Variants in STOM observed in about 807,000 individuals in gnomAD.
The protein encoded by STOM is erythrocyte band 7 integral membrane protein.
In STOM, 25 loss-of-function variants were observed where a neutral mutation model predicts 30.6. The observed-to-expected ratio is 0.82, with a 90% CI of 0.60 to 1.14. STOM has a LOEUF of 1.14. STOM is among the 50% of genes most tolerant of loss of function. The pLI, the probability that STOM is intolerant of heterozygous loss-of-function variation, is 0.00. For missense variants in STOM, 292 were observed against 365.2 expected, an observed-to-expected ratio of 0.80 and a Z score of 1.63; for synonymous variants, 118 against 130.8, an observed-to-expected ratio of 0.90 and a Z score of 0.67.
intron 1 of STOM, among the ~76,000 whole-genome samples, chr9:121,358,355 T>C (rs943193238): frequency 2.0e-5 from 3 of 151,818 alleles, no homozygotes; most frequent in African/African-American, 7.3e-5. Context: ...TCCCAGCTAC[T>C]GAGGAGACTG....
rs1589294091 is a variant in STOM at position 121,356,277 on chromosome 9, A to G, written c.62-121T>C. 1.6e-5 allele frequency: 12 copies of G among 733,656 alleles called. No individual in the cohort carries two copies. The East Asian group carries it at 3.3e-4, about 20-fold the overall frequency. 45.4% of individuals were successfully genotyped at this position (733,656 alleles called of 1,614,324 possible). A position where few individuals can be genotyped will look rare whatever the true frequency, so the allele number is the denominator to read the frequency against. On this transcript the variant is annotated intron_variant, in intron 1 of 6. Coordinates refer to ENST00000286713, the MANE Select transcript of STOM (RefSeq NM_004099.6). ...GCACTACACCAGCTGTTTTACATGA[A>G]TTTCCCCATCTAATCCTCATACAGC...
intron 6 of STOM, among the ~76,000 whole-genome samples, chr9:121,345,597 C>T (rs566371146): frequency 1.3e-5 from 2 of 152,256 alleles, no homozygotes; most frequent in Admixed American, 6.5e-5. Context: ...GGGCTAGGCT[C>T]ATTGTGATTC....
At position 121,348,020 on chromosome 9, in the gene STOM, C is replaced by T. The variant is rs1237373752; in HGVS notation, c.655G>A (p.Ala219Thr). The change falls in exon 6 of 7, where the codon GCC (alanine) becomes ACC (threonine). Residue 219 changes from alanine to threonine, a missense_variant. Coordinates refer to ENST00000286713, the MANE Select transcript of STOM (RefSeq NM_004099.6). ...AAGTTTAAAAAAAAAGTTACCTTGG[C>T]GCGGGCCTCGCGGGACGCTTCTGCT... ...AEAEASREAR[A>T]KVIAAEGEMN... 5 of 1,611,836 alleles carry T rather than the reference C, an allele frequency of 3.1e-6. No homozygotes were observed. The highest frequency in any genetic ancestry group is 2.5e-6 in the Non-Finnish European group (3 of 1,178,882).
At chr9:121,353,819 G>A (rs995330056) in intron 3 of STOM, among the ~76,000 whole-genome samples, 4 of 152,046 alleles carry the variant, frequency 2.6e-5, no homozygotes, top group African/African-American at 7.2e-5. Flanking sequence ...TATTTCCGCC[G>A]CAAACACCTC....
chr9:121,358,812 C>T (rs1342211511), intron 1 of STOM, among the ~76,000 whole-genome samples: 2 of 152,104 alleles, frequency 1.3e-5, no homozygotes, highest in Non-Finnish European at 2.9e-5. Context: ...AATCAATTGC[C>T]TAAATTTCCT....
chr9:121,349,936 A>G lies in STOM; in HGVS notation c.322-613T>C, dbSNP rs146627856. Reference sequence around the variant, plus strand: ...AGGCTCCAGGAAAATAGTTACATCCATCACTTAAAACTCACTGGGACTCAG... The same window carrying G: ...AGGCTCCAGGAAAATAGTTACATCCGTCACTTAAAACTCACTGGGACTCAG... On this transcript the variant is annotated intron_variant, in intron 4 of 6. Transcript: ENST00000286713. 1.3e-3 allele frequency among the ~76,000 whole-genome samples: 192 copies of G among 152,388 alleles called. 1 individual carries two copies. Among genetic ancestry groups the G allele is most frequent in the South Asian group, 4.1e-3 (20 of 4,832 alleles).
At chr9:121,351,802 A>C (rs1589291242) in intron 4 of STOM, among the ~76,000 whole-genome samples, 1 of 152,240 alleles carries the variant, frequency 6.6e-6, no homozygotes, top group African/African-American at 2.4e-5. Context: ...CATGAGTTTC[A>C]TCTATGATAA....
intron 1 of STOM, among the ~76,000 whole-genome samples, chr9:121,364,339 C>T (rs887726463): frequency 2.0e-5 from 3 of 152,138 alleles, no homozygotes; most frequent in African/African-American, 7.2e-5. Context: ...CTTAGTTGTT[C>T]GAATGCCCTT....
chr9:121,369,999 G>A, intron 1 of STOM, 128 bp downstream of exon 1: 1 of 850,444 alleles, frequency 1.2e-6, no homozygotes, highest in South Asian at 1.7e-5. Context: ...GGGAGGAGCC[G>A]CGGCTTTGAG....
intron 1 of STOM, among the ~76,000 whole-genome samples, chr9:121,357,788 T>C (rs2064409881): frequency 6.6e-6 from 1 of 152,148 alleles, no homozygotes; most frequent in Non-Finnish European, 1.5e-5. Flanking sequence ...GTAACCTATT[T>C]TTCTTCCCTG....
At chr9:121,365,405 G>C (rs1235705183) in intron 1 of STOM, among the ~76,000 whole-genome samples, 1 of 151,462 alleles carries the variant, frequency 6.6e-6, no homozygotes, top group Non-Finnish European at 1.5e-5. Context: ...TTCATAATGG[G>C]TATTAAGTTA....
intron 6 of STOM, among the ~76,000 whole-genome samples, chr9:121,346,782 C>T (rs548815529): frequency 2.6e-5 from 4 of 152,294 alleles, no homozygotes; most frequent in East Asian, 1.9e-4. Flanking sequence ...ATTCTGAAGT[C>T]GCATGTCAAA....
chr9:121,361,006 A>C (rs2064445951), intron 1 of STOM, among the ~76,000 whole-genome samples: 1 of 152,316 alleles, frequency 6.6e-6, no homozygotes, highest in East Asian at 1.9e-4. Flanking sequence ...TTCACCTCTC[A>C]AAATTCTTCC....
Position 121,340,064 on chromosome 9 carries a change from C to T in STOM, c.*1138G>A, listed in dbSNP as rs975465671. 6 of 972,418 alleles carry T rather than the reference C, an allele frequency of 6.2e-6. No individual in the cohort carries two copies. Among genetic ancestry groups the T allele is most frequent in the Non-Finnish European group, 7.3e-6 (6 of 818,274 alleles). The allele number at this position is 972,418 out of a possible 1,614,324, so 60.2% of individuals were successfully genotyped here. On this transcript the variant is annotated 3_prime_UTR_variant, in exon 7 of 7. Transcript: ENST00000286713. ...TTCAGCTATTCAAATAGATATATAA[C>T]AATTGCATATAGAACGTAGAGAAAA...
intron 1 of STOM, among the ~76,000 whole-genome samples, chr9:121,363,437 A>G (rs2064473024): frequency 6.6e-6 from 1 of 152,178 alleles, no homozygotes; most frequent in South Asian, 2.1e-4. Context: ...ATTCTTTGTC[A>G]GGATTGGCAA....
chr9:121,350,712 G>A (rs1195386467), intron 4 of STOM, among the ~76,000 whole-genome samples: 1 of 152,164 alleles, frequency 6.6e-6, no homozygotes. Flanking sequence ...AAATTTCTGT[G>A]AAGATCAAAT....
intron 3 of STOM, among the ~76,000 whole-genome samples, 194 bp from the exon 4 acceptor site, chr9:121,353,496 T>C (rs1046123013): frequency 6.6e-6 from 1 of 152,228 alleles, no homozygotes; most frequent in Admixed American, 6.5e-5. Context: ...CTAAGGTCTG[T>C]GGAGTTCATT....
intron 1 of STOM, among the ~76,000 whole-genome samples, chr9:121,357,789 T>G (rs1283492284): frequency 6.6e-6 from 1 of 152,152 alleles, no homozygotes; most frequent in Non-Finnish European, 1.5e-5. Flanking sequence ...TAACCTATTT[T>G]TCTTCCCTGT....
chr9:121,364,896 T>C (rs1397740747), intron 1 of STOM, among the ~76,000 whole-genome samples: 2 of 152,194 alleles, frequency 1.3e-5, no homozygotes, highest in African/African-American at 2.4e-5. Flanking sequence ...GAAAACAGTA[T>C]AGCATAATAG....
Sources: gnomAD v4.1 joint callset for allele counts (sites outside exome capture counted in the v4.1 genomes callset) on GRCh38, gnomAD v4.1.1 for gene constraint, MANE v1.5 for transcripts, NCBI Gene and HGNC (gene_info 2026-07-23, HGNC 2026-07-21) for gene names.